The following KIF6 variants were observed in gnomAD, a reference collection of about 807,000 sequenced individuals.
KIF6 encodes kinesin-like protein KIF6.
A neutral mutation model predicts 112.7 loss-of-function variants in KIF6; 106 were observed. The ratio of observed to expected loss-of-function variants is 0.94; its 90% CI spans 0.80 to 1.11. The LOEUF (loss-of-function observed/expected upper bound fraction) is 1.11, where lower values mean the gene tolerates loss of function less well. KIF6 is among the 50% of genes least tolerant of loss of function. The pLI is 0.00. For synonymous variants in KIF6, 339 were observed against 339.9 expected (o/e 1.00, Z 0.03); for missense variants, 929 against 964.0 (o/e 0.96, Z 0.48).
At chr6:39,578,302 CTT>C (rs1781087484) in intron 9 of KIF6, 143 bp from the exon 10 acceptor site, 1 of 538,974 alleles carries the variant, frequency 1.9e-6, no homozygotes, top group African/African-American at 2.0e-5. Context: ...TTTGTTAAAT[CTT>C]AACGTTTTGT....
chr6:39,434,519 C>G (rs1162889199), intron 13 of KIF6, among the ~76,000 whole-genome samples: 2 of 151,858 alleles, frequency 1.3e-5, no homozygotes, highest in Non-Finnish European at 2.9e-5. Flanking sequence ...TGCAGTGAGC[C>G]GAGATAGCAC....
intron 16 of KIF6, among the ~76,000 whole-genome samples, chr6:39,373,647 C>T (rs912168478): frequency 3.3e-5 from 5 of 151,148 alleles, no homozygotes; most frequent in African/African-American, 1.2e-4. Flanking sequence ...ACCCAAAGAA[C>T]AAACAAACAA....
rs997724538 is a variant in KIF6 at position 39,332,028 on chromosome 6, A to G, written c.*4504T>C. 1 of 150,904 alleles carries G rather than the reference A, an allele frequency of 6.6e-6. No individual in the cohort carries two copies. The highest frequency in any genetic ancestry group is 1.5e-5 in the Non-Finnish European group (1 of 67,784). 9.3% of individuals were successfully genotyped at this position (150,904 alleles called of 1,614,324 possible). On this transcript the variant is annotated 3_prime_UTR_variant, in exon 23 of 23. Transcript: ENST00000287152. ...AATGGCACAATTTCGGCTCACTGTA[A>G]CCTCTGCCTCCTGGGCTCAAGCAAT...
At chr6:39,443,235 C>T (rs949576596) in intron 13 of KIF6, among the ~76,000 whole-genome samples, 1 of 151,564 alleles carries the variant, frequency 6.6e-6, no homozygotes, top group Non-Finnish European at 1.5e-5. Context: ...ATGTCCTTGA[C>T]TGCTTCCAAA....
rs1407210724 is a variant in KIF6 at position 39,719,430 on chromosome 6, C to A, written c.176+1272G>T. The stretch of plus-strand genomic sequence containing the variant: ...GGCAGGAATAGTCTCAAAACAGGGC[C>A]TTTGTAAAACAGTCTAGAGATACAT... On this transcript the variant is annotated intron_variant, in intron 2 of 22. Coordinates refer to ENST00000287152, the MANE Select transcript of KIF6 (RefSeq NM_145027.6). Among the ~76,000 whole-genome samples the A allele has an allele frequency of 2.0e-5, 3 of 152,060 alleles. No homozygotes were observed. In the South Asian group the frequency reaches 6.2e-4, roughly 32 times the overall value.
intron 13 of KIF6, among the ~76,000 whole-genome samples, chr6:39,469,095 G>A (rs1351521703): frequency 6.6e-6 from 1 of 151,970 alleles, no homozygotes; most frequent in Non-Finnish European, 1.5e-5. Flanking sequence ...GAATTAATTA[G>A]TATAAATATG....
At chr6:39,687,136 G>T (rs1393041874) in intron 3 of KIF6, among the ~76,000 whole-genome samples, 1 of 152,046 alleles carries the variant, frequency 6.6e-6, no homozygotes, top group Non-Finnish European at 1.5e-5. Flanking sequence ...CCAAGAGGAT[G>T]GAAAATGTGA....
chr6:39,465,530 T>C (rs1310660808), intron 13 of KIF6, among the ~76,000 whole-genome samples: 1 of 152,218 alleles, frequency 6.6e-6, no homozygotes, highest in Non-Finnish European at 1.5e-5. Context: ...CAAACTCTCA[T>C]CATCTCATGC....
Position 39,714,734 on chromosome 6 carries a change from T to A in KIF6, c.209A>T (p.Gln70Leu). The stretch of plus-strand genomic sequence containing the variant: ...GGCAATGTTTTCAAAAACGGTCTCT[T>A]GGTTTGCATCCTGATCAAAAATTCT... ...FQRIFDQDAN[Q>L]ETVFENIAKP... Residue 70 changes from glutamine to leucine, a missense_variant, in exon 3 of 23, where the codon CAA (glutamine) becomes CTA (leucine). Gln to Leu is a moderately radical substitution (Grantham distance 113, BLOSUM62 -2). Around this residue, in one of 2 missense-constraint regions of KIF6, gnomAD observed 688 missense variants for 662.7 expected, o/e 1.04. Coordinates refer to ENST00000287152, the MANE Select transcript of KIF6 (RefSeq NM_145027.6). 1 of 1,613,824 alleles carries A rather than the reference T, an allele frequency of 6.2e-7. No homozygotes were observed.
chr6:39,653,393 G>T (rs917257459), intron 3 of KIF6, among the ~76,000 whole-genome samples: 5 of 152,100 alleles, frequency 3.3e-5, no homozygotes, highest in African/African-American at 1.2e-4. Flanking sequence ...AGGATTAAAA[G>T]AATAGAAAAC....
chr6:39,417,058 T>G (rs1769968570), intron 15 of KIF6, among the ~76,000 whole-genome samples: 1 of 152,176 alleles, frequency 6.6e-6, no homozygotes, highest in Admixed American at 6.5e-5. Flanking sequence ...CAAATTCCAT[T>G]TGATTTCATT....
intron 10 of KIF6, among the ~76,000 whole-genome samples, chr6:39,556,513 A>T (rs2150587831): frequency 6.6e-6 from 1 of 152,320 alleles, no homozygotes. Context: ...AGAGATAGCT[A>T]CCTAGGGAAA....
At chr6:39,444,235 CTTTCTTTTTT>C (rs1772162892) in intron 13 of KIF6, among the ~76,000 whole-genome samples, 1 of 152,096 alleles carries the variant, frequency 6.6e-6, no homozygotes, top group South Asian at 2.1e-4. Flanking sequence ...CAAAACCCAC[CTTTCTTTTTT>C]TTTCTTTTTT....
intron 15 of KIF6, among the ~76,000 whole-genome samples, chr6:39,391,192 G>A (rs1767860103): frequency 6.6e-6 from 1 of 152,220 alleles, no homozygotes; most frequent in South Asian, 2.1e-4. Context: ...AAGACCAGAA[G>A]TAGGACGGAA....
chr6:39,361,980 A>C (rs559459347), intron 17 of KIF6, among the ~76,000 whole-genome samples: 6 of 152,314 alleles, frequency 3.9e-5, no homozygotes, highest in African/African-American at 1.2e-4. Flanking sequence ...CATGTGGAGC[A>C]AGATTCGGTG....
chr6:39,364,279 C>T (rs1163576382), intron 16 of KIF6, among the ~76,000 whole-genome samples: 1 of 152,000 alleles, frequency 6.6e-6, no homozygotes, highest in Non-Finnish European at 1.5e-5. Context: ...CACCACCACG[C>T]CCAGCTAATT....
rs183513538 is a variant in KIF6, at chr6:39,672,414, T to A, written c.252-32657A>T. ...TTAATGAATACTACTACTAATAATA[T>A]AACAATTATTTGTTGAAAATTTACC... On this transcript the variant is annotated intron_variant, in intron 3 of 22. Coordinates refer to ENST00000287152, the MANE Select transcript of KIF6 (RefSeq NM_145027.6). Among the ~76,000 whole-genome samples, 5 of 152,324 alleles carry A rather than the reference T, an allele frequency of 3.3e-5. No individual in the cohort carries two copies. In the East Asian group the frequency reaches 9.7e-4, roughly 29 times the overall value.
At chr6:39,646,580 TA>T (rs1785183983) in intron 3 of KIF6, among the ~76,000 whole-genome samples, 1 of 152,180 alleles carries the variant, frequency 6.6e-6, no homozygotes, top group Admixed American at 6.5e-5. Context: ...AGTTTAGCTT[TA>T]GAAAAATTAA....
chr6:39,724,020 A>G, intron 1 of KIF6, among the ~76,000 whole-genome samples: 1 of 152,234 alleles, frequency 6.6e-6, no homozygotes, highest in Non-Finnish European at 1.5e-5. Context: ...GCGGAAAATG[A>G]CACCAACCTT....
Sources: gnomAD v4.1 joint callset for allele counts (sites outside exome capture counted in the v4.1 genomes callset) on GRCh38, gnomAD v4.1.1 for gene constraint, gnomAD v4.1.1 regional missense constraint, MANE v1.5 for transcripts, NCBI Gene and HGNC (gene_info 2026-07-23, HGNC 2026-07-21) for gene names.